Variants in WWOX observed in about 807,000 individuals in gnomAD.
WWOX encodes WW domain-containing oxidoreductase.
WWOX carries 69 observed loss-of-function variants against 46.2 expected under a neutral mutation model. That is an observed-to-expected ratio of 1.49 (90% CI 1.23 to 1.82). WWOX has a LOEUF of 1.82. Among genes scored for constraint, WWOX ranks in the 40% most tolerant of loss-of-function variants. The probability of loss-of-function intolerance (pLI) is 0.00; values close to 1 mark genes in which losing one functional copy is unlikely to be tolerated. For missense variants in WWOX, 919 were observed against 542.6 expected, an observed-to-expected ratio of 1.69 and a Z score of -6.89; for synonymous variants, 359 against 202.6, an observed-to-expected ratio of 1.77 and a Z score of -6.56.
intron 8 of WWOX, among the ~76,000 whole-genome samples, chr16:78,927,609 C>G (rs1454766806): frequency 6.6e-6 from 1 of 152,156 alleles, no homozygotes; most frequent in Non-Finnish European, 1.5e-5. Context: ...GTTCACATAA[C>G]TATTTGCAGT....
At chr16:78,956,070 G>A (rs780950480) in intron 8 of WWOX, among the ~76,000 whole-genome samples, 5 of 152,060 alleles carry the variant, frequency 3.3e-5, no homozygotes, top group African/African-American at 7.2e-5. Context: ...AGTACAGAGA[G>A]TTCCCGTATA....
rs565429756 is a variant in WWOX at position 78,759,604 on chromosome 16, T to A, written c.1056+326852T>A. ...CTCTAAAGAATTCTCAATCTGTGGA[T>A]GAGAAATGGCAACACAGGGATGTTA... is the stretch of plus-strand genomic sequence containing the variant. On this transcript the variant is annotated intron_variant, in intron 8 of 8. Coordinates refer to ENST00000566780, the MANE Select transcript of WWOX (RefSeq NM_016373.4). Among the ~76,000 whole-genome samples the A allele has an allele frequency of 2.0e-5, 3 of 152,264 alleles. No homozygotes were observed. The South Asian group carries it at 6.2e-4, about 32-fold the overall frequency.
At chr16:78,512,511 C>G (rs1038404878) in intron 8 of WWOX, among the ~76,000 whole-genome samples, 1 of 152,260 alleles carries the variant, frequency 6.6e-6, no homozygotes, top group African/African-American at 2.4e-5. Context: ...ATTGTATTTA[C>G]TTAGCATTGA....
chr16:78,659,124 C>A (rs557718938), intron 8 of WWOX, among the ~76,000 whole-genome samples: 3 of 149,204 alleles, frequency 2.0e-5, no homozygotes, highest in South Asian at 2.1e-4. Flanking sequence ...AAAAAAAAAA[C>A]AAAACACATG....
chr16:78,838,281 A>T (rs1365482720), intron 8 of WWOX, among the ~76,000 whole-genome samples: 1 of 152,110 alleles, frequency 6.6e-6, no homozygotes. Flanking sequence ...AAGACAGGGT[A>T]GTTGGGCCAT....
intron 5 of WWOX, among the ~76,000 whole-genome samples, chr16:78,313,049 C>T (rs750604270): frequency 2.6e-5 from 4 of 152,178 alleles, no homozygotes; most frequent in East Asian, 1.9e-4. Context: ...CCAGACATGT[C>T]CTGTTTTCAG....
chr16:78,609,629 C>T lies in WWOX; in HGVS notation c.1056+176877C>T, dbSNP rs570361263. 5.3e-5 allele frequency among the ~76,000 whole-genome samples: 8 copies of T among 151,728 alleles called. No individual in the cohort carries two copies. The East Asian group carries it at 1.2e-3, about 22-fold the overall frequency. On this transcript the variant is annotated intron_variant, in intron 8 of 8. Transcript: ENST00000566780. ...TCACCAGGCAGGCTCTTGGGGGCTT[C>T]CTGGTCCCTGTCACTCTTAAAATGC...
At chr16:78,466,327 G>A (rs1009888557) in intron 8 of WWOX, among the ~76,000 whole-genome samples, 13 of 152,022 alleles carry the variant, frequency 8.6e-5, no homozygotes, top group East Asian at 3.9e-4. Context: ...CATTGCACCC[G>A]GCTATTGGGT....
chr16:78,908,314 T>C (rs2151251502), intron 8 of WWOX, among the ~76,000 whole-genome samples: 1 of 152,016 alleles, frequency 6.6e-6, no homozygotes. Context: ...CCAAGGAGGG[T>C]GGTTCAACTG....
intron 5 of WWOX, among the ~76,000 whole-genome samples, chr16:78,212,356 C>G (rs1208747221): frequency 6.6e-6 from 1 of 152,206 alleles, no homozygotes; most frequent in African/African-American, 2.4e-5. Context: ...TGGCCATCCC[C>G]AAATTCAAAA....
rs765525384 is a variant in WWOX at position 78,655,006 on chromosome 16, T to C, written c.1056+222254T>C. On this transcript the variant is annotated intron_variant, in intron 8 of 8. Transcript: ENST00000566780. ...ACCACCACATCCAAATGTCTGAGTTTACATTTTGTGTCGGTACTTGCTTTG... is the reference window on the plus strand; with the variant it reads ...ACCACCACATCCAAATGTCTGAGTTCACATTTTGTGTCGGTACTTGCTTTG... Among the ~76,000 whole-genome samples, 4 of 152,302 alleles carry C rather than the reference T, an allele frequency of 2.6e-5. No homozygotes were observed. The East Asian group carries it at 5.8e-4, about 22-fold the overall frequency.
At chr16:78,457,611 C>T (rs2083850086) in intron 8 of WWOX, among the ~76,000 whole-genome samples, 1 of 151,940 alleles carries the variant, frequency 6.6e-6, no homozygotes. Context: ...GCAGAGGACG[C>T]ACATGAAAAT....
At chr16:79,103,754 G>A (rs2049249850) in intron 8 of WWOX, among the ~76,000 whole-genome samples, 2 of 151,974 alleles carry the variant, frequency 1.3e-5, no homozygotes, top group Admixed American at 1.3e-4. Flanking sequence ...TCCGTTCAAG[G>A]CATTCAGTTT....
rs59857372 is a variant in WWOX at position 78,211,035 on chromosome 16, G to A, written c.516+46746G>A. Among the ~76,000 whole-genome samples the A allele has an allele frequency of 7.1e-3, 1,078 of 152,226 alleles. 5 individuals carry two copies. Among genetic ancestry groups the A allele is most frequent in the Middle Eastern group, 0.034 (10 of 292 alleles). On this transcript the variant is annotated intron_variant, in intron 5 of 8. Transcript: ENST00000566780. ...ACTGATAAATCCATAGTAACTGGAG[G>A]CATTTTTAGAATTGTGGGCAATTTC...
At chr16:78,803,725 C>T (rs1023237389) in intron 8 of WWOX, among the ~76,000 whole-genome samples, 1 of 152,198 alleles carries the variant, frequency 6.6e-6, no homozygotes, top group Admixed American at 6.5e-5. Flanking sequence ...TCCCAAAGTG[C>T]AGGCATTTTA....
chr16:78,408,441 G>C lies in WWOX; in HGVS notation c.606-16429G>C, dbSNP rs568214840. On this transcript the variant is annotated intron_variant, in intron 6 of 8. Transcript: ENST00000566780. ...ACCCCCACCACATTCCCTCTCCACT[G>C]AGAGTTTTCCTTTTAGTTAATAAAT... Among the ~76,000 whole-genome samples, 77 of 152,286 alleles carry C rather than the reference G, an allele frequency of 5.1e-4. 1 individual carries two copies. The highest frequency in any genetic ancestry group is 1.0e-3 in the South Asian group (5 of 4,822).
At chr16:78,771,366 A>G (rs560925349) in intron 8 of WWOX, among the ~76,000 whole-genome samples, 1 of 152,306 alleles carries the variant, frequency 6.6e-6, no homozygotes, top group South Asian at 2.1e-4. Flanking sequence ...ACCTAAATAT[A>G]TGTTCAAAGG....
intron 8 of WWOX, among the ~76,000 whole-genome samples, chr16:78,916,486 G>C (rs1441455902): frequency 6.6e-6 from 1 of 152,106 alleles, no homozygotes; most frequent in Non-Finnish European, 1.5e-5. Context: ...TGCTCTAAAG[G>C]GAAAAGCTTT....
chr16:78,881,888 C>T (rs922347912), intron 8 of WWOX, among the ~76,000 whole-genome samples: 4 of 151,980 alleles, frequency 2.6e-5, no homozygotes, highest in Admixed American at 6.6e-5. Flanking sequence ...TTTGGTAGGC[C>T]GAGGTAGGTG....
Sources: gnomAD v4.1 joint callset for allele counts (sites outside exome capture counted in the v4.1 genomes callset) on GRCh38, gnomAD v4.1.1 for gene constraint, MANE v1.5 for transcripts, NCBI Gene and HGNC (gene_info 2026-07-23, HGNC 2026-07-21) for gene names.